The following KIF3B variants were observed in gnomAD, a reference collection of about 807,000 sequenced individuals.
The protein encoded by KIF3B is kinesin-like protein KIF3B.
A neutral mutation model predicts 74.3 loss-of-function variants in KIF3B; 38 were observed. That is an observed-to-expected ratio of 0.51 (90% CI 0.39 to 0.67). KIF3B has a LOEUF of 0.67. Ranked by LOEUF, KIF3B falls within the 30% of genes least tolerant of loss-of-function variation. The pLI is 0.00. For synonymous variants in KIF3B, 326 were observed against 342.5 expected (o/e 0.95, Z 0.53); for missense variants, 649 against 932.0 (o/e 0.70, Z 3.95).
chr20:32,323,062 A>ATATATATT (rs1175594512), intron 5 of KIF3B, among the ~76,000 whole-genome samples: 1 of 83,726 alleles, frequency 1.2e-5, no homozygotes, highest in Non-Finnish European at 2.1e-5. Flanking sequence ...ATTTATATTT[A>ATATATATT]TATATATTTA....
chr20:32,311,169 C>CGCCAA lies in KIF3B; in HGVS notation c.1394_1398dup (p.Ile467ProfsTer17). 1 of 1,608,502 alleles carries CGCCAA rather than the reference C, an allele frequency of 6.2e-7. No individual in the cohort carries two copies. The highest frequency in any genetic ancestry group is 8.5e-7 in the Non-Finnish European group (1 of 1,177,746). On this transcript the variant is annotated frameshift_variant, in exon 2 of 9. Coordinates refer to ENST00000375712, the MANE Select transcript of KIF3B (RefSeq NM_004798.4). LOFTEE classifies it high-confidence loss of function. Reference sequence around the variant, plus strand: ...AGAAGGATGCTGCCGAGATGCTGGGCGCCAAGATCAAGGTACCATACCCGT... The same window carrying CGCCAA: ...AGAAGGATGCTGCCGAGATGCTGGGCGCCAAGCCAAGATCAAGGTACCATACCCGT...
chr20:32,309,112 G>A (rs1017740022), intron 1 of KIF3B, among the ~76,000 whole-genome samples: 1 of 152,056 alleles, frequency 6.6e-6, no homozygotes, highest in Non-Finnish European at 1.5e-5. Flanking sequence ...AACCTCCTGG[G>A]CTCAAGCAGT....
intron 1 of KIF3B, among the ~76,000 whole-genome samples, chr20:32,305,714 A>G (rs1212811164): frequency 6.6e-6 from 1 of 151,020 alleles, no homozygotes; most frequent in Non-Finnish European, 1.5e-5. Flanking sequence ...AGCTGGGATT[A>G]CAGGCACATG....
In KIF3B at chr20:32,299,931, G is replaced by C. The variant is rs573506160; in HGVS notation, c.-65-9782G>C. Among the ~76,000 whole-genome samples, 9 of 151,788 alleles carry C rather than the reference G, an allele frequency of 5.9e-5. No individual in the cohort carries two copies. In the South Asian group the frequency reaches 1.2e-3, roughly 21 times the overall value. ...AGCCTCCCAAGTACTGGGACTATAG[G>C]CATGTGTCATCACGCCTGGCTAATT... On this transcript the variant is annotated intron_variant, in intron 1 of 8. Coordinates refer to ENST00000375712, the MANE Select transcript of KIF3B (RefSeq NM_004798.4).
intron 1 of KIF3B, among the ~76,000 whole-genome samples, chr20:32,290,732 A>G (rs541023414): frequency 6.6e-6 from 1 of 152,132 alleles, no homozygotes; most frequent in Non-Finnish European, 1.5e-5. Context: ...ATAATAAATT[A>G]GCTCAGTATG....
intron 1 of KIF3B, among the ~76,000 whole-genome samples, chr20:32,301,665 C>T (rs2047744985): frequency 6.6e-6 from 1 of 152,180 alleles, no homozygotes; most frequent in Non-Finnish European, 1.5e-5. Context: ...ATGTGAGCCA[C>T]CATGCCAGGC....
At chr20:32,280,441 A>G (rs1226024107) in intron 1 of KIF3B, among the ~76,000 whole-genome samples, 1 of 152,034 alleles carries the variant, frequency 6.6e-6, no homozygotes, top group Middle Eastern at 3.2e-3. Context: ...CTGTCCAGGC[A>G]TGGTGGCTCA....
In KIF3B at chr20:32,284,528, C is replaced by G. The variant is rs149707061; in HGVS notation, c.-66+6763C>G. Among the ~76,000 whole-genome samples the G allele has an allele frequency of 1.2e-4, 19 of 152,272 alleles. No homozygotes were observed. In the East Asian group the frequency reaches 3.7e-3, roughly 29 times the overall value. On this transcript the variant is annotated intron_variant, in intron 1 of 8. Coordinates refer to ENST00000375712, the MANE Select transcript of KIF3B (RefSeq NM_004798.4). ...TCTAGGCTGGGTGTAGTGGCTCACG[C>G]TTGTAATCCCAGCACTTTGGGAGGT... is the stretch of plus-strand genomic sequence containing the variant.
At chr20:32,298,160 T>C (rs2047725389) in intron 1 of KIF3B, among the ~76,000 whole-genome samples, 1 of 149,002 alleles carries the variant, frequency 6.7e-6, no homozygotes, top group Non-Finnish European at 1.5e-5. Context: ...AATTCAGGCC[T>C]GGTGCAATGT....
intron 1 of KIF3B, among the ~76,000 whole-genome samples, chr20:32,280,488 G>A (rs1367064776): frequency 6.6e-6 from 1 of 151,952 alleles, no homozygotes; most frequent in Non-Finnish European, 1.5e-5. Context: ...GCCAAGACGG[G>A]TGGATCACGA....
At chr20:32,308,558 C>T (rs1444355392) in intron 1 of KIF3B, among the ~76,000 whole-genome samples, 1 of 151,882 alleles carries the variant, frequency 6.6e-6, no homozygotes, top group African/African-American at 2.4e-5. Context: ...TTACAGGTGC[C>T]CACCACCACG....
At chr20:32,323,509 C>T (rs536693314) in intron 5 of KIF3B, among the ~76,000 whole-genome samples, 1 of 151,738 alleles carries the variant, frequency 6.6e-6, no homozygotes, top group South Asian at 2.1e-4. Context: ...AAGTGATTCT[C>T]CTGCCTCGGC....
At chr20:32,299,444 T>C (rs1487941063) in intron 1 of KIF3B, among the ~76,000 whole-genome samples, 1 of 131,732 alleles carries the variant, frequency 7.6e-6, no homozygotes. Flanking sequence ...AGAGTCTTGC[T>C]TTATCACCCA....
Position 32,310,858 on chromosome 20 carries a change from G to C in KIF3B, c.1081G>C (p.Glu361Gln). ...KDALLREFQE[E>Q]IARLKAQLEK... ...TGCCCTCCTTCGAGAATTCCAGGAA[G>C]AGATTGCTCGGCTCAAGGCCCAGCT... is the stretch of plus-strand genomic sequence containing the variant. Residue 361 changes from glutamate (E) to glutamine (Q), a missense_variant, in exon 2 of 9, where the codon GAG becomes CAG. This residue lies in a region of KIF3B where 363 missense variants were observed against 592.8 expected (regional missense o/e 0.61). Coordinates refer to ENST00000375712, the MANE Select transcript of KIF3B (RefSeq NM_004798.4). This position sits in a 1 kb window ranked among gnomAD's most constrained non-coding sequence, Gnocchi z 6.5. 2 of 1,613,942 alleles carry C rather than the reference G, an allele frequency of 1.2e-6. No homozygotes were observed. Among genetic ancestry groups the C allele is most frequent in the Non-Finnish European group, 1.7e-6 (2 of 1,179,988 alleles).
chr20:32,287,194 T>G (rs2047671030), intron 1 of KIF3B, among the ~76,000 whole-genome samples: 1 of 152,262 alleles, frequency 6.6e-6, no homozygotes, highest in South Asian at 2.1e-4. Flanking sequence ...TCATTTTATT[T>G]TTGTAGAAAC....
Position 32,316,590 on chromosome 20 carries a change from A to G in KIF3B, c.1570A>G (p.Lys524Glu). ...TCGAGATGAGGAGACCTTGGAACTT[A>G]AAGAGACATACAGCTCATTGCAGCA... ...ESRDEETLELKETYSSLQQEV... is the reference protein window; with the variant it reads ...ESRDEETLELEETYSSLQQEV... The change falls in exon 4 of 9, where the codon AAA becomes GAA. Residue 524 changes from lysine to glutamate, a missense_variant. Transcript: ENST00000375712. 6.2e-7 allele frequency: 1 copy of G among 1,614,170 alleles called. No individual in the cohort carries two copies. The highest frequency in any genetic ancestry group is 8.5e-7 in the Non-Finnish European group (1 of 1,180,018).
chr20:32,290,927 A>T (rs1172776813), intron 1 of KIF3B, among the ~76,000 whole-genome samples: 1 of 152,026 alleles, frequency 6.6e-6, no homozygotes, highest in Non-Finnish European at 1.5e-5. Context: ...ATGGAATATT[A>T]TTCAGCCTTA....
In KIF3B at chr20:32,300,809, CATAG is replaced by C. The variant is rs535051172; in HGVS notation, c.-65-8898_-65-8895del. ...ATGCAAAGCTTTTTACTAGGATATACATAGATAGAGAAGTGGAATTGCTGAGGAT... is the reference window on the plus strand; with the variant it reads ...ATGCAAAGCTTTTTACTAGGATATACATAGAGAAGTGGAATTGCTGAGGAT... On this transcript the variant is annotated intron_variant, in intron 1 of 8. Transcript: ENST00000375712. Among the ~76,000 whole-genome samples, 330 of 152,018 alleles carry C rather than the reference CATAG, an allele frequency of 2.2e-3. 2 individuals carry two copies. The highest frequency in any genetic ancestry group is 5.8e-3 in the South Asian group (28 of 4,820).
intron 7 of KIF3B, among the ~76,000 whole-genome samples, chr20:32,328,356 G>A (rs1333234587): frequency 1.4e-5 from 2 of 147,586 alleles, no homozygotes; most frequent in African/African-American, 2.5e-5. Context: ...CCCAGCGGGT[G>A]GAGCTTGCAG....
Sources: gnomAD v4.1 joint callset for allele counts (sites outside exome capture counted in the v4.1 genomes callset) on GRCh38, gnomAD v4.1.1 for gene constraint, gnomAD v4.1.1 regional missense constraint, Gnocchi (gnomAD v3.1) non-coding constraint, MANE v1.5 for transcripts, NCBI Gene and HGNC (gene_info 2026-07-23, HGNC 2026-07-21) for gene names.